ADGRA3: variants seen among roughly 807,000 people sequenced by gnomAD.
The protein encoded by ADGRA3 is adhesion G protein-coupled receptor A3, also known as G-protein coupled receptor 125.
ADGRA3 carries 56 observed loss-of-function variants against 119.8 expected under a neutral mutation model. That is an observed-to-expected ratio of 0.47 (90% CI 0.38 to 0.58). ADGRA3 has a LOEUF of 0.58. ADGRA3 is among the 20% of genes least tolerant of loss of function. The pLI, the probability that ADGRA3 is intolerant of heterozygous loss-of-function variation, is 0.00. For missense variants in ADGRA3, 1,516 were observed against 1,649.0 expected (o/e 0.92, Z 1.40); for synonymous variants, 607 against 623.8 (o/e 0.97, Z 0.40).
At chr4:22,401,758 A>C (rs1714663834) in intron 15 of ADGRA3, among the ~76,000 whole-genome samples, 1 of 152,130 alleles carries the variant, frequency 6.6e-6, no homozygotes, top group Non-Finnish European at 1.5e-5. Context: ...TCGTTTCTTA[A>C]CATTTAACTT....
intron 2 of ADGRA3, among the ~76,000 whole-genome samples, chr4:22,467,999 A>G (rs141969362): frequency 9.8e-5 from 15 of 152,314 alleles, no homozygotes; most frequent in Admixed American, 2.0e-4. Context: ...TCAACTCAAA[A>G]TGGCTTGAAC....
chr4:22,476,851 G>C (rs937880564), intron 1 of ADGRA3, among the ~76,000 whole-genome samples: 2 of 151,938 alleles, frequency 1.3e-5, no homozygotes, highest in Non-Finnish European at 2.9e-5. Flanking sequence ...ATTTTTAGTA[G>C]AGACAGGGTT....
intron 7 of ADGRA3, among the ~76,000 whole-genome samples, chr4:22,439,015 A>T (rs1341569296): frequency 1.3e-5 from 2 of 152,172 alleles, no homozygotes; most frequent in Admixed American, 6.5e-5. Context: ...ACACAAAAAA[A>T]GAACAGGAAT....
chr4:22,477,695 T>C (rs540201737), intron 1 of ADGRA3: 79 of 152,328 alleles, frequency 5.2e-4, no homozygotes, highest in African/African-American at 1.9e-3. Flanking sequence ...CGAGAAATGA[T>C]AGATTTTATT....
intron 1 of ADGRA3, among the ~76,000 whole-genome samples, chr4:22,476,015 C>T (rs115094639): frequency 1.3e-3 from 198 of 152,274 alleles, no homozygotes; most frequent in African/African-American, 4.6e-3. Flanking sequence ...TGTCCCTCCA[C>T]CACCCGACAA....
intron 2 of ADGRA3, among the ~76,000 whole-genome samples, chr4:22,464,367 C>A (rs556018743): frequency 2.0e-5 from 3 of 152,088 alleles, no homozygotes; most frequent in Non-Finnish European, 2.9e-5. Flanking sequence ...GGAAGCTTCA[C>A]GAAATACATT....
At chr4:22,484,854 A>G (rs1718379260) in intron 1 of ADGRA3, among the ~76,000 whole-genome samples, 1 of 151,926 alleles carries the variant, frequency 6.6e-6, no homozygotes, top group Admixed American at 6.5e-5. Flanking sequence ...TCCTTGAATC[A>G]AAGAATTGTT....
At chr4:22,447,678 G>A (rs945237799) in intron 4 of ADGRA3, among the ~76,000 whole-genome samples, 167 bp from the exon 5 acceptor site, 1 of 152,040 alleles carries the variant, frequency 6.6e-6, no homozygotes, top group Admixed American at 6.6e-5. Context: ...TCCTCCAAGG[G>A]TGAAGAAGAA....
chr4:22,428,690 T>G (rs923561861), intron 10 of ADGRA3, among the ~76,000 whole-genome samples: 11 of 152,192 alleles, frequency 7.2e-5, no homozygotes, highest in Non-Finnish European at 1.5e-4. Context: ...TTTCAAGGTA[T>G]GTTATTACAC....
intron 4 of ADGRA3, among the ~76,000 whole-genome samples, chr4:22,452,486 A>G (rs1195336725): frequency 6.6e-6 from 1 of 152,234 alleles, no homozygotes; most frequent in Non-Finnish European, 1.5e-5. Context: ...CAAAGTGGGA[A>G]GCTTGGCAAT....
At chr4:22,513,845 C>CAAAAAAAAAAAAAAAAAAAAA (rs59015584) in intron 1 of ADGRA3, among the ~76,000 whole-genome samples, 4 of 31,490 alleles carry the variant, frequency 1.3e-4, no homozygotes, top group African/African-American at 3.9e-4. Context: ...AGCTTTCAGG[C>CAAAAAAAAAAAAAAAAAAAAA]AAAAAAAAAA....
intron 1 of ADGRA3, among the ~76,000 whole-genome samples, chr4:22,490,224 A>G (rs77337006): frequency 0.018 from 2,756 of 149,974 alleles, 37 homozygotes; most frequent in Middle Eastern, 0.061. Context: ...CATAGTAGAT[A>G]TCTTTCAAAA....
chr4:22,450,703 G>C (rs555503882), intron 4 of ADGRA3, among the ~76,000 whole-genome samples: 35 of 152,146 alleles, frequency 2.3e-4, no homozygotes, highest in Middle Eastern at 6.8e-3. Flanking sequence ...GGCAGATTTG[G>C]TAAAGGAAGG....
intron 6 of ADGRA3, among the ~76,000 whole-genome samples, chr4:22,443,431 G>C (rs1455158393): frequency 2.0e-5 from 3 of 151,650 alleles, no homozygotes; most frequent in Non-Finnish European, 4.4e-5. Context: ...AATGACACTA[G>C]TTCATTAAAA....
At chr4:22,412,735 C>T (rs1015914077) in intron 14 of ADGRA3, among the ~76,000 whole-genome samples, 121 of 152,288 alleles carry the variant, frequency 7.9e-4, no homozygotes, top group African/African-American at 2.9e-3. Flanking sequence ...ATGAAATTAT[C>T]ATGATTAATT....
intron 2 of ADGRA3, among the ~76,000 whole-genome samples, chr4:22,465,043 G>C (rs1012731315): frequency 2.6e-5 from 4 of 152,330 alleles, no homozygotes; most frequent in African/African-American, 9.6e-5. Flanking sequence ...ACTCCATTCT[G>C]AGGACAAATA....
rs1321122468 is a variant in ADGRA3 at position 22,388,861 on chromosome 4, C to T, written c.2810G>A (p.Ser937Asn). The change falls in exon 19 of 19, where the codon AGC becomes AAC. Residue 937 changes from serine to asparagine, a missense_variant. By Grantham distance (46) the Ser-to-Asn change is conservative (BLOSUM62 1). Coordinates refer to ENST00000334304, the MANE Select transcript of ADGRA3 (RefSeq NM_145290.4). ...ITFVNCMYFL[S>N]IFIQLKRHPE... Reference sequence around the variant, plus strand: ...GTGTCTTTTCAACTGAATAAATATGCTCAGAAAGTACATGCAGTTTACAAA... The same window carrying T: ...GTGTCTTTTCAACTGAATAAATATGTTCAGAAAGTACATGCAGTTTACAAA... 2 of 1,614,064 alleles carry T rather than the reference C, an allele frequency of 1.2e-6. No individual in the cohort carries two copies. Among genetic ancestry groups the T allele is most frequent in the Non-Finnish European group, 1.7e-6 (2 of 1,179,974 alleles).
At position 22,465,507 on chromosome 4, in the gene ADGRA3, G is replaced by A. The variant is rs939397121; in HGVS notation, c.330-3699C>T. Among the ~76,000 whole-genome samples the A allele has an allele frequency of 7.2e-5, 11 of 152,252 alleles. No individual in the cohort carries two copies. In the East Asian group the frequency reaches 1.7e-3, roughly 24 times the overall value. On this transcript the variant is annotated intron_variant, in intron 2 of 18. Coordinates refer to ENST00000334304, the MANE Select transcript of ADGRA3 (RefSeq NM_145290.4). ...CTGAAGAAGCCAACAGATGGGAAAC[G>A]AGAAAAATGGTGAGCCCCTGGATCC...
At position 22,496,624 on chromosome 4, in the gene ADGRA3, T is replaced by C. The variant is rs139221048; in HGVS notation, c.257+18904A>G. Among the ~76,000 whole-genome samples the C allele has an allele frequency of 6.2e-4, 94 of 152,298 alleles. 1 individual carries two copies. The highest frequency in any genetic ancestry group is 2.1e-3 in the African/African-American group (87 of 41,554). On this transcript the variant is annotated intron_variant, in intron 1 of 18. Transcript: ENST00000334304. ...ATGACTCAAGGGTGAAATTGCTTAA[T>C]ATTAAGTATAGAATCTAAATAATTC...
Sources: allele counts gnomAD v4.1 joint callset (sites outside exome capture counted in the v4.1 genomes callset), GRCh38; gene constraint gnomAD v4.1.1; transcripts MANE v1.5; gene names NCBI Gene and HGNC (gene_info 2026-07-23, HGNC 2026-07-21).